Variants in LGSN observed in about 807,000 individuals in gnomAD.
LGSN encodes the protein lengsin, lens protein with glutamine synthetase domain.
Under a neutral mutation model 19.5 loss-of-function variants are expected in LGSN, and 21 were observed. The observed-to-expected ratio is 1.07, with a 90% confidence interval of 0.76 to 1.55. The LOEUF (loss-of-function observed/expected upper bound fraction) is 1.55, where lower values mean the gene tolerates loss of function less well. LGSN is among the 40% of genes most tolerant of loss of function. LGSN has a pLI of 0.00. For synonymous variants in LGSN, 257 were observed against 215.6 expected (o/e 1.19, Z -1.68); for missense variants, 673 against 608.5 (o/e 1.11, Z -1.12).
chr6:63,551,984 G>A, the LGSN span, among the ~76,000 whole-genome samples: 3 of 152,144 alleles, frequency 2.0e-5, no homozygotes, highest in Non-Finnish European at 2.9e-5. Context: ...GCTATTGTGA[G>A]TAGTGCCACA....
upstream of LGSN, among the ~76,000 whole-genome samples, chr6:63,322,627 T>C (rs1769111217): frequency 6.6e-6 from 1 of 152,132 alleles, no homozygotes; most frequent in South Asian, 2.1e-4. Flanking sequence ...TAAGGAGTAA[T>C]ATTTGAGCTT....
At chr6:63,476,693 A>C in the LGSN span, among the ~76,000 whole-genome samples, 1 of 152,216 alleles carries the variant, frequency 6.6e-6, no homozygotes, top group Non-Finnish European at 1.5e-5. Context: ...TAAAGAGCAC[A>C]GGAAGCAAAC....
At chr6:63,412,453 A>AGAAAGAAG in the LGSN span, among the ~76,000 whole-genome samples, 7 of 135,144 alleles carry the variant, frequency 5.2e-5, no homozygotes, top group African/African-American at 2.3e-4. Context: ...CAAGAAAGAA[A>AGAAAGAAG]GAAAGAAAGA....
At chr6:63,416,760 GTT>G in the LGSN span, among the ~76,000 whole-genome samples, 17,392 of 151,742 alleles carry the variant, frequency 0.11, 1,977 homozygotes, top group African/African-American at 0.3. Flanking sequence ...TAGAGACGGG[GTT>G]TCACCATGTT....
chr6:63,421,836 T>C, the LGSN span, among the ~76,000 whole-genome samples: 1 of 152,022 alleles, frequency 6.6e-6, no homozygotes, highest in Non-Finnish European at 1.5e-5. Context: ...TAAAAAAAGT[T>C]CTAACATTCT....
the LGSN span, among the ~76,000 whole-genome samples, chr6:63,403,946 TTCTCTCTCTCTC>T: frequency 1.3e-5 from 2 of 148,160 alleles, no homozygotes; most frequent in South Asian, 2.1e-4. Flanking sequence ...GCCTCTCTCT[TTCTCTCTCTCTC>T]TCTCTCTCTC....
the LGSN span, among the ~76,000 whole-genome samples, chr6:63,503,309 T>C: frequency 2.0e-5 from 3 of 152,180 alleles, no homozygotes. Flanking sequence ...GAGGCTCTAG[T>C]TCATTTATGG....
chr6:63,302,910 C>T lies in LGSN; in HGVS notation c.31-7865G>A, dbSNP rs1036048598. Among the ~76,000 whole-genome samples the T allele has an allele frequency of 2.6e-5, 4 of 151,908 alleles. No individual in the cohort carries two copies. The East Asian group carries it at 5.8e-4, about 22-fold the overall frequency. ...GGGATGCCGAGGTAGGTGGATCACT[C>T]GAGGTCAGGAGTTCGAGTCCAGCCT... On this transcript the variant is annotated intron_variant, in intron 1 of 3. Coordinates refer to ENST00000370657, the MANE Select transcript of LGSN (RefSeq NM_016571.3).
At chr6:63,541,096 G>A in the LGSN span, among the ~76,000 whole-genome samples, 1 of 152,048 alleles carries the variant, frequency 6.6e-6, no homozygotes, top group East Asian at 1.9e-4. Flanking sequence ...TGAATAGTGT[G>A]CCCTAAACTA....
chr6:63,441,538 T>C, the LGSN span: 11 of 412,782 alleles, frequency 2.7e-5, 1 homozygote, highest in South Asian at 1.5e-4. Flanking sequence ...AGACCACAAG[T>C]GGGAGAGGCA....
At chr6:63,558,061 G>A in the LGSN span, among the ~76,000 whole-genome samples, 2 of 151,800 alleles carry the variant, frequency 1.3e-5, no homozygotes, top group South Asian at 2.1e-4. Context: ...TAGTAGAGAC[G>A]GGGTTTCACC....
At chr6:63,300,280 C>A (rs1768134218) in intron 1 of LGSN, among the ~76,000 whole-genome samples, 1 of 152,186 alleles carries the variant, frequency 6.6e-6, no homozygotes, top group African/African-American at 2.4e-5. Context: ...GCCTTCCTAG[C>A]CATCCTAGGT....
chr6:63,399,952 A>T, the LGSN span, among the ~76,000 whole-genome samples: 1 of 152,022 alleles, frequency 6.6e-6, no homozygotes, highest in Non-Finnish European at 1.5e-5. Flanking sequence ...TGATCTTCCC[A>T]CTTCAGCCTC....
the LGSN span, among the ~76,000 whole-genome samples, chr6:63,456,346 AATATACATATATATAT>A: frequency 0.016 from 1,647 of 100,482 alleles, 167 homozygotes; most frequent in African/African-American, 0.064. Context: ...ACTTGGCAGA[AATATACATATATATAT>A]ATATATATAT....
the LGSN span, among the ~76,000 whole-genome samples, chr6:63,343,925 A>C: frequency 6.6e-6 from 1 of 152,114 alleles, no homozygotes; most frequent in Non-Finnish European, 1.5e-5. Flanking sequence ...CATGACAAAC[A>C]ATGACAGCAA....
the LGSN span, among the ~76,000 whole-genome samples, chr6:63,485,010 T>A: frequency 6.6e-6 from 1 of 152,214 alleles, no homozygotes; most frequent in Non-Finnish European, 1.5e-5. Context: ...TCTTGTTACT[T>A]AAAGACACTA....
chr6:63,365,092 G>C, the LGSN span, among the ~76,000 whole-genome samples: 1 of 152,060 alleles, frequency 6.6e-6, no homozygotes, highest in African/African-American at 2.4e-5. Flanking sequence ...GATCAGAGCA[G>C]AACTGAAGAA....
chr6:63,397,833 G>A, the LGSN span, among the ~76,000 whole-genome samples: 3 of 152,106 alleles, frequency 2.0e-5, no homozygotes, highest in East Asian at 1.9e-4. Context: ...CCAGCTACTC[G>A]GGAAGCTGAG....
the LGSN span, among the ~76,000 whole-genome samples, chr6:63,383,037 CAA>C: frequency 1.3e-5 from 2 of 152,302 alleles, no homozygotes; most frequent in East Asian, 3.9e-4. Context: ...ATCTCAAATT[CAA>C]AAGACTGCTT....
Sources: gnomAD v4.1 joint callset for allele counts (sites outside exome capture counted in the v4.1 genomes callset) on GRCh38, gnomAD v4.1.1 for gene constraint, MANE v1.5 for transcripts, NCBI Gene and HGNC (gene_info 2026-07-23, HGNC 2026-07-21) for gene names.